Variants in CADM2 observed in about 807,000 individuals in gnomAD.
CADM2 encodes the protein cell adhesion molecule 2.
Under a neutral mutation model 49.8 loss-of-function variants are expected in CADM2, and 12 were observed. That is an observed-to-expected ratio of 0.24 (90% CI 0.15 to 0.39). CADM2 has a LOEUF of 0.39. CADM2 is among the 10% of genes least tolerant of loss of function. The pLI is 1.00. For missense variants in CADM2, 378 were observed against 492.3 expected, an observed-to-expected ratio of 0.77 and a Z score of 2.20; for synonymous variants, 214 against 175.4, an observed-to-expected ratio of 1.22 and a Z score of -1.74.
Position 85,964,637 on chromosome 3 carries a change from T to G in CADM2, c.970+2990T>G, listed in dbSNP as rs183717601. Reference sequence around the variant, plus strand: ...TCACATGTAGTAATTTAACTGCCAGTCTAAAATTTATCCTCAATGAAAGGC... The same window carrying G: ...TCACATGTAGTAATTTAACTGCCAGGCTAAAATTTATCCTCAATGAAAGGC... On this transcript the variant is annotated intron_variant, in intron 8 of 9. Transcript: ENST00000383699. Among the ~76,000 whole-genome samples the G allele has an allele frequency of 1.3e-3, 190 of 151,818 alleles. 1 individual carries two copies. Among genetic ancestry groups the G allele is most frequent in the Admixed American group, 6.0e-3 (91 of 15,158 alleles).
At chr3:85,602,083 G>T (rs1053506463) in intron 1 of CADM2, among the ~76,000 whole-genome samples, 4 of 151,742 alleles carry the variant, frequency 2.6e-5, no homozygotes, top group African/African-American at 7.2e-5. Context: ...TATCATTAAA[G>T]ACATTCAATT....
At chr3:85,694,441 C>G (rs959316470) in intron 1 of CADM2, among the ~76,000 whole-genome samples, 1 of 152,248 alleles carries the variant, frequency 6.6e-6, no homozygotes, top group African/African-American at 2.4e-5. Context: ...GCAGAACTTA[C>G]CCTTCCAGTA....
chr3:85,361,129 A>T (rs2032327114), intron 1 of CADM2, among the ~76,000 whole-genome samples: 1 of 152,212 alleles, frequency 6.6e-6, no homozygotes. Flanking sequence ...ACTCAAAGAT[A>T]AACTTAGACA....
intron 1 of CADM2, among the ~76,000 whole-genome samples, chr3:85,569,696 A>G (rs2062419213): frequency 8.1e-6 from 1 of 123,612 alleles, no homozygotes; most frequent in Non-Finnish European, 1.8e-5. Context: ...GAACCTTTCT[A>G]ATGGCAAAAA....
Position 85,109,384 on chromosome 3 carries a change from GGA to G in CADM2, c.61+149731_61+149732del, listed in dbSNP as rs941074553. Among the ~76,000 whole-genome samples the G allele has an allele frequency of 1.6e-3, 237 of 151,240 alleles. 1 individual carries two copies. The highest frequency in any genetic ancestry group is 5.2e-3 in the African/African-American group (216 of 41,282). ...AAGAGAGACAGTGGGGAGAAAGAGA[GGA>G]GAGAGAGAGAGAGAAAGACATCATC... On this transcript the variant is annotated intron_variant, in intron 1 of 9. Transcript: ENST00000383699.
At chr3:85,808,248 A>G (rs925462118) in intron 3 of CADM2, among the ~76,000 whole-genome samples, 2 of 152,242 alleles carry the variant, frequency 1.3e-5, no homozygotes, top group Non-Finnish European at 2.9e-5. Flanking sequence ...CTTATGGGTC[A>G]GAGAGACCTA....
At chr3:85,275,314 C>T (rs1173337779) in intron 1 of CADM2, among the ~76,000 whole-genome samples, 1 of 151,348 alleles carries the variant, frequency 6.6e-6, no homozygotes, top group Non-Finnish European at 1.5e-5. Context: ...AACTAAAATA[C>T]TTTTATATTA....
At chr3:85,979,070 T>A (rs1007371206) in intron 8 of CADM2, 5 of 1,382,946 alleles carry the variant, frequency 3.6e-6, no homozygotes, top group Non-Finnish European at 5.0e-6. Flanking sequence ...AAGTTAAACC[T>A]CAATAAGTTA....
At chr3:85,378,712 T>C (rs974633644) in intron 1 of CADM2, among the ~76,000 whole-genome samples, 4 of 151,888 alleles carry the variant, frequency 2.6e-5, no homozygotes, top group Admixed American at 6.6e-5. Context: ...CAATGAACTC[T>C]GGGGACTTGA....
At chr3:84,966,617 G>A (rs2031012756) in intron 1 of CADM2, among the ~76,000 whole-genome samples, 2 of 152,010 alleles carry the variant, frequency 1.3e-5, no homozygotes, top group African/African-American at 2.4e-5. Flanking sequence ...GAAACTGAGT[G>A]ATAAGAACTT....
intron 1 of CADM2, among the ~76,000 whole-genome samples, chr3:85,606,988 C>T (rs1184378441): frequency 6.6e-6 from 1 of 151,880 alleles, no homozygotes; most frequent in Non-Finnish European, 1.5e-5. Flanking sequence ...GAAGAAGATA[C>T]CATTATTGAC....
intron 1 of CADM2, among the ~76,000 whole-genome samples, chr3:85,119,472 G>A (rs559657576): frequency 1.3e-4 from 19 of 151,992 alleles, no homozygotes; most frequent in Non-Finnish European, 2.6e-4. Context: ...ATTGTCTTAG[G>A]TATATGGGCT....
chr3:85,234,177 C>A (rs1206602564), intron 1 of CADM2, among the ~76,000 whole-genome samples: 1 of 152,078 alleles, frequency 6.6e-6, no homozygotes, highest in Non-Finnish European at 1.5e-5. Context: ...GATTATAGAT[C>A]CTCTTTACTT....
intron 1 of CADM2, among the ~76,000 whole-genome samples, chr3:85,240,302 A>G (rs1474211394): frequency 6.6e-6 from 1 of 151,482 alleles, no homozygotes; most frequent in Non-Finnish European, 1.5e-5. Flanking sequence ...GAAAAGAGCT[A>G]TTTCTTGAAA....
intron 1 of CADM2, among the ~76,000 whole-genome samples, chr3:85,343,653 A>T (rs775266677): frequency 2.6e-5 from 4 of 152,200 alleles, no homozygotes; most frequent in Non-Finnish European, 4.4e-5. Flanking sequence ...ACGAGGTTTG[A>T]ATAGTGTAAG....
intron 2 of CADM2, among the ~76,000 whole-genome samples, chr3:85,732,402 G>C (rs948381956): frequency 6.6e-6 from 1 of 152,126 alleles, no homozygotes; most frequent in Non-Finnish European, 1.5e-5. Context: ...ATATGTGTCA[G>C]GGGCGTTAGA....
At chr3:85,651,201 C>A (rs561638333) in intron 1 of CADM2, among the ~76,000 whole-genome samples, 13 of 151,964 alleles carry the variant, frequency 8.6e-5, no homozygotes, top group Non-Finnish European at 8.8e-5. Context: ...TAATGTAATA[C>A]ATTCTGAAAA....
intron 1 of CADM2, among the ~76,000 whole-genome samples, chr3:85,508,601 A>G (rs757598719): frequency 3.3e-5 from 5 of 152,316 alleles, no homozygotes; most frequent in Non-Finnish European, 7.4e-5. Flanking sequence ...AAATATGGGA[A>G]ATGCTTTCGG....
chr3:85,241,862 C>T lies in CADM2; in HGVS notation c.61+282194C>T, dbSNP rs535898407. ...ATTCTGTTAAGGAAAAGGTAGAGGA[C>T]GCATTTTATGCAGAGCTAACATATA... On this transcript the variant is annotated intron_variant, in intron 1 of 9. Coordinates refer to ENST00000383699, the MANE Select transcript of CADM2 (RefSeq NM_001167675.2). 2.2e-4 allele frequency among the ~76,000 whole-genome samples: 34 copies of T among 151,552 alleles called. No homozygotes were observed. In the South Asian group the frequency reaches 6.0e-3, roughly 27 times the overall value.
Sources: gnomAD v4.1 joint callset for allele counts (sites outside exome capture counted in the v4.1 genomes callset) on GRCh38, gnomAD v4.1.1 for gene constraint, MANE v1.5 for transcripts, NCBI Gene and HGNC (gene_info 2026-07-23, HGNC 2026-07-21) for gene names.